Variants in PATZ1 observed in about 807,000 individuals in gnomAD.
The protein encoded by PATZ1 is POZ/BTB and AT hook containing zinc finger 1, also known as POZ-, AT hook-, and zinc finger-containing protein 1.
PATZ1 carries 9 observed loss-of-function variants against 46.2 expected under a neutral mutation model. That is an observed-to-expected ratio of 0.19 (90% CI 0.12 to 0.34). The LOEUF (loss-of-function observed/expected upper bound fraction) is 0.34, where lower values mean the gene tolerates loss of function less well. Ranked by LOEUF, PATZ1 falls within the 10% of genes least tolerant of loss-of-function variation. PATZ1 has a pLI of 1.00. For synonymous variants in PATZ1, 426 were observed against 378.6 expected (o/e 1.13, Z -1.45); for missense variants, 632 against 923.0 (o/e 0.68, Z 4.08).
rs2049397347 is a variant in PATZ1, at chr22:31,328,662, A to C, written c.1645+125T>G. On this transcript the variant is annotated intron_variant, in intron 4 of 4. Coordinates refer to ENST00000266269, the MANE Select transcript of PATZ1 (RefSeq NM_014323.3). The surrounding 1 kb of genome is among the most constrained non-coding windows in gnomAD (Gnocchi z 4.8). ...TTTGTCCTGGAGGCCACTGCCACTCAGATCTCTGAGTCTCCTCAAGGCAGC... is the reference window on the plus strand; with the variant it reads ...TTTGTCCTGGAGGCCACTGCCACTCCGATCTCTGAGTCTCCTCAAGGCAGC... 2.5e-6 allele frequency: 2 copies of C among 816,078 alleles called. No individual in the cohort carries two copies. Among genetic ancestry groups the C allele is most frequent in the Non-Finnish European group, 4.1e-6 (2 of 487,278 alleles). 50.6% of individuals were successfully genotyped at this position (816,078 alleles called of 1,614,324 possible).
rs558125000 is a variant in PATZ1 at position 31,343,343 on chromosome 22, G to C, written c.1272-383C>G. Reference sequence around the variant, plus strand: ...TCATTGTCCAGACTAAAGCCCCTTAGAAACTCAGCAATCCCCTCCCCCAGC... The same window carrying C: ...TCATTGTCCAGACTAAAGCCCCTTACAAACTCAGCAATCCCCTCCCCCAGC... On this transcript the variant is annotated intron_variant, in intron 1 of 4. Coordinates refer to ENST00000266269, the MANE Select transcript of PATZ1 (RefSeq NM_014323.3). 2.5e-5 allele frequency: 25 copies of C among 994,058 alleles called. No homozygotes were observed. In the East Asian group the frequency reaches 1.7e-3, roughly 69 times the overall value. 61.6% of individuals were successfully genotyped at this position (994,058 alleles called of 1,614,324 possible).
chr22:31,344,770 G>A lies in PATZ1; in HGVS notation c.833C>T (p.Ser278Leu). Residue 278 changes from serine to leucine, a missense_variant, in exon 1 of 5, where the codon TCA becomes TTA. Coordinates refer to ENST00000266269, the MANE Select transcript of PATZ1 (RefSeq NM_014323.3). ...GRPRKANLLDSMFGSPGGLRE... is the reference protein window; with the variant it reads ...GRPRKANLLDLMFGSPGGLRE... ...CAGGCCCCCTGGGGACCCAAACATT[G>A]AGTCCAGCAGGTTGGCCTTCCTTGG... 1 of 1,608,958 alleles carries A rather than the reference G, an allele frequency of 6.2e-7. No homozygotes were observed. The highest frequency in any genetic ancestry group is 1.1e-5 in the South Asian group (1 of 90,774).
At chr22:31,336,261 C>T (rs2049507621) in intron 2 of PATZ1, among the ~76,000 whole-genome samples, 1 of 152,204 alleles carries the variant, frequency 6.6e-6, no homozygotes. Context: ...GAGTTATTGG[C>T]ATATAAACCA....
chr22:31,341,343 G>T (rs537223881), intron 2 of PATZ1: 4 of 1,503,918 alleles, frequency 2.7e-6, no homozygotes, highest in African/African-American at 1.4e-5. Context: ...AAAAGCAGGG[G>T]TCTCAGGCCA....
At chr22:31,340,191 T>C (rs1218545557) in intron 2 of PATZ1, among the ~76,000 whole-genome samples, 1 of 152,198 alleles carries the variant, frequency 6.6e-6, no homozygotes, top group African/African-American at 2.4e-5. Flanking sequence ...TTAAGGACAC[T>C]CAGGCCAAGT....
intron 3 of PATZ1, among the ~76,000 whole-genome samples, chr22:31,331,343 C>T (rs1236076617): frequency 2.2e-5 from 3 of 133,446 alleles, no homozygotes; most frequent in Non-Finnish European, 4.5e-5. Context: ...GTAATTTTTT[C>T]CTTTTTTTTT....
Position 31,345,387 on chromosome 22 carries a change from G to A in PATZ1, c.216C>T (p.Ala72=), listed in dbSNP as rs766102487. The change falls in exon 1 of 5, where the codon GCC becomes GCT. Residue 72 remains alanine (A), a synonymous_variant. Coordinates refer to ENST00000266269, the MANE Select transcript of PATZ1 (RefSeq NM_014323.3). This position sits in a 1 kb window ranked among gnomAD's most constrained non-coding sequence, Gnocchi z 7.4. ...CCGCAGCTCCGCCGTCGCCCAACTG[G>A]GCGCTGAACACCGACTCAAAGTACT... ...CSEYFESVFS[A]QLGDGGAADG... 2 of 1,609,114 alleles carry A rather than the reference G, an allele frequency of 1.2e-6. No homozygotes were observed. Among genetic ancestry groups the A allele is most frequent in the Admixed American group, 1.7e-5 (1 of 59,770 alleles).
In PATZ1 at chr22:31,327,084, A is replaced by G. The variant is rs1455631637; in HGVS notation, c.1871T>C (p.Ile624Thr). The G allele has an allele frequency of 7.4e-6, 12 of 1,613,690 alleles. No individual in the cohort carries two copies. The South Asian group carries it at 1.1e-4, about 15-fold the overall frequency. ...FRSKSYLNKHIQKVHVRALGG... is the reference protein window; with the variant it reads ...FRSKSYLNKHTQKVHVRALGG... The stretch of plus-strand genomic sequence containing the variant: ...GAGAGCCCGGACATGCACCTTCTGG[A>G]TGTGTTTGTTCAAGTAGGACTTAGA... Residue 624 changes from isoleucine (I) to threonine (T), a missense_variant, in exon 5 of 5, where the codon ATC (isoleucine) becomes ACC (threonine). Transcript: ENST00000266269. The surrounding 1 kb of genome is among the most constrained non-coding windows in gnomAD (Gnocchi z 4.2).
At chr22:31,342,263 G>A (rs1161273430) in intron 2 of PATZ1, among the ~76,000 whole-genome samples, 4 of 152,108 alleles carry the variant, frequency 2.6e-5, no homozygotes, top group African/African-American at 7.2e-5. Context: ...CTGGTCCAGC[G>A]TTTCCTACCT....
intron 3 of PATZ1, among the ~76,000 whole-genome samples, chr22:31,333,127 A>C (rs2145815794): frequency 6.6e-6 from 1 of 152,360 alleles, no homozygotes; most frequent in East Asian, 1.9e-4. Flanking sequence ...GTGAGGCTGC[A>C]GGAGTCAGGC....
Position 31,326,858 on chromosome 22 carries a change from G to T in PATZ1, c.*33C>A. 1.3e-6 allele frequency: 2 copies of T among 1,570,662 alleles called. No homozygotes were observed. Among genetic ancestry groups the T allele is most frequent in the Non-Finnish European group, 1.7e-6 (2 of 1,152,700 alleles). ...TCACAGCATTTCCCAGCAGTCCCCA[G>T]ATGGTTGTTTCCGTGGGGACACAGC... On this transcript the variant is annotated 3_prime_UTR_variant, in exon 5 of 5. Transcript: ENST00000266269.
In PATZ1 at chr22:31,328,337, C is replaced by T. The variant is rs1033798613; in HGVS notation, c.1645+450G>A. ...AAGGGCCACTCACAGTAACCAACCA[C>T]TCCTACTGTGAGAGAAGCCAGACAT... On this transcript the variant is annotated intron_variant, in intron 4 of 4. Transcript: ENST00000266269. The surrounding 1 kb of genome is among the most constrained non-coding windows in gnomAD (Gnocchi z 4.8). Among the ~76,000 whole-genome samples the T allele has an allele frequency of 6.6e-6, 1 of 152,246 alleles. No individual in the cohort carries two copies. Among genetic ancestry groups the T allele is most frequent in the Admixed American group, 6.5e-5 (1 of 15,288 alleles).
At chr22:31,331,918 C>G (rs2049448554) in intron 3 of PATZ1, among the ~76,000 whole-genome samples, 1 of 152,112 alleles carries the variant, frequency 6.6e-6, no homozygotes, top group African/African-American at 2.4e-5. Context: ...CCGGACCAGC[C>G]TGACCAACAT....
Position 31,343,073 on chromosome 22 carries a change from C to T in PATZ1, c.1272-113G>A, listed in dbSNP as rs191216557. On this transcript the variant is annotated intron_variant, in intron 1 of 4. Transcript: ENST00000266269. ...ACACACTCACTGCTGGAAAGGACTC[C>T]CTCTCCCCAACCCCAGCATGACAAA... 148 of 1,517,848 alleles carry T rather than the reference C, an allele frequency of 9.8e-5. No individual in the cohort carries two copies. The African/African-American group carries it at 1.7e-3, about 18-fold the overall frequency. The allele number at this position is 1,517,848 out of a possible 1,614,324, so 94.0% of individuals were successfully genotyped here.
chr22:31,330,842 C>A (rs2049432283), intron 3 of PATZ1, among the ~76,000 whole-genome samples: 1 of 152,172 alleles, frequency 6.6e-6, no homozygotes, highest in Non-Finnish European at 1.5e-5. Flanking sequence ...ACCATTTACA[C>A]TCATGTATTT....
In PATZ1 at chr22:31,327,210, G is replaced by C. The variant is rs1465424237; in HGVS notation, c.1745C>G (p.Ala582Gly). 1.9e-6 allele frequency: 3 copies of C among 1,614,204 alleles called. No homozygotes were observed. Reference protein sequence around the residue: ...SDLKTPEKQSANGSFSCDMAV... With the variant: ...SDLKTPEKQSGNGSFSCDMAV... ...CATGTCGCAGGAGAAAGAGCCATTG[G>C]CACTCTGCTTCTCTGGCGTCTTCAG... The change falls in exon 5 of 5, where the codon GCC (alanine) becomes GGC (glycine). Residue 582 changes from alanine to glycine, a missense_variant. Ala to Gly is a moderately conservative substitution (Grantham distance 60). Transcript: ENST00000266269. This position sits in a 1 kb window ranked among gnomAD's most constrained non-coding sequence, Gnocchi z 4.2.
intron 1 of PATZ1, among the ~76,000 whole-genome samples, chr22:31,343,791 C>G (rs911286273): frequency 2.6e-5 from 4 of 152,214 alleles, no homozygotes; most frequent in African/African-American, 9.7e-5. Flanking sequence ...TGGTGTTAAG[C>G]AGCAGCTCTG....
At chr22:31,330,139 T>C (rs1335773390) in intron 3 of PATZ1, among the ~76,000 whole-genome samples, 1 of 152,198 alleles carries the variant, frequency 6.6e-6, no homozygotes, top group Non-Finnish European at 1.5e-5. Flanking sequence ...AAGTCTGAAT[T>C]GGCATGGTAT....
At chr22:31,343,955 G>A (rs2049614924) in intron 1 of PATZ1, among the ~76,000 whole-genome samples, 1 of 152,018 alleles carries the variant, frequency 6.6e-6, no homozygotes. Context: ...TCCCTCGGCA[G>A]CCATTCAAGC....
Sources: gnomAD v4.1 joint callset for allele counts (sites outside exome capture counted in the v4.1 genomes callset) on GRCh38, gnomAD v4.1.1 for gene constraint, Gnocchi (gnomAD v3.1) non-coding constraint, MANE v1.5 for transcripts, NCBI Gene and HGNC (gene_info 2026-07-23, HGNC 2026-07-21) for gene names.